The following SLC35F3 variants were observed in gnomAD, a reference collection of about 807,000 sequenced individuals.
SLC35F3 encodes the protein putative thiamine transporter SLC35F3.
In SLC35F3, 25 loss-of-function variants were observed where a neutral mutation model predicts 49.9. That is an observed-to-expected ratio of 0.50 (90% CI 0.37 to 0.70). The LOEUF is 0.70. SLC35F3 is among the 30% of genes least tolerant of loss of function. SLC35F3 has a pLI of 0.00. For missense variants in SLC35F3, 525 were observed against 639.8 expected, an observed-to-expected ratio of 0.82 and a Z score of 1.94; for synonymous variants, 275 against 265.4, an observed-to-expected ratio of 1.04 and a Z score of -0.35.
chr1:234,236,966 G>A (rs1325042673), intron 3 of SLC35F3, among the ~76,000 whole-genome samples: 1 of 75,242 alleles, frequency 1.3e-5, no homozygotes. Context: ...TATATATATG[G>A]AGGAAATGGG....
chr1:234,266,473 G>A (rs939500593), intron 3 of SLC35F3, among the ~76,000 whole-genome samples: 1 of 152,222 alleles, frequency 6.6e-6, no homozygotes, highest in Non-Finnish European at 1.5e-5. Flanking sequence ...TTCATTGTCA[G>A]TAGAAGGATA....
chr1:234,128,856 G>A (rs374702039), intron 2 of SLC35F3, among the ~76,000 whole-genome samples: 19 of 152,292 alleles, frequency 1.2e-4, no homozygotes, highest in Non-Finnish European at 2.1e-4. Flanking sequence ...CGGGGACACC[G>A]CAGTAGATTC....
chr1:234,163,807 A>C (rs1266598411), intron 2 of SLC35F3, among the ~76,000 whole-genome samples: 2 of 152,124 alleles, frequency 1.3e-5, no homozygotes, highest in Non-Finnish European at 2.9e-5. Context: ...ATTCTCTTCC[A>C]GATCTGCCAT....
At chr1:233,937,895 G>A (rs1415138217) in intron 2 of SLC35F3, among the ~76,000 whole-genome samples, 1 of 152,126 alleles carries the variant, frequency 6.6e-6, no homozygotes, top group Admixed American at 6.5e-5. Flanking sequence ...GGAGGATGAT[G>A]TTCAAATTTC....
intron 2 of SLC35F3, among the ~76,000 whole-genome samples, chr1:233,946,251 A>C (rs867704011): frequency 2.6e-5 from 4 of 152,228 alleles, no homozygotes; most frequent in African/African-American, 9.6e-5. Flanking sequence ...TGTAGCATCT[A>C]CTGAAGCAAA....
At chr1:233,998,204 G>A (rs985692049) in intron 2 of SLC35F3, among the ~76,000 whole-genome samples, 10 of 152,020 alleles carry the variant, frequency 6.6e-5, no homozygotes, top group African/African-American at 2.4e-4. Flanking sequence ...CATTTAAACT[G>A]CCCCTGTGGT....
intron 2 of SLC35F3, among the ~76,000 whole-genome samples, chr1:234,188,764 C>T (rs1666685523): frequency 6.6e-6 from 1 of 152,212 alleles, no homozygotes; most frequent in East Asian, 1.9e-4. Flanking sequence ...CAATAAACAA[C>T]AATAATATAA....
intron 2 of SLC35F3, among the ~76,000 whole-genome samples, chr1:234,036,599 C>A (rs1165143440): frequency 6.6e-6 from 1 of 152,168 alleles, no homozygotes; most frequent in African/African-American, 2.4e-5. Context: ...TGACATGTGT[C>A]CACTAGTCCA....
chr1:234,017,085 T>C (rs1442404109), intron 2 of SLC35F3, among the ~76,000 whole-genome samples: 6 of 152,226 alleles, frequency 3.9e-5, no homozygotes, highest in Non-Finnish European at 5.9e-5. Context: ...ATAAGAATTA[T>C]ACAAAATAAC....
At chr1:233,936,390 GTCTC>G (rs1662328136) in intron 2 of SLC35F3, among the ~76,000 whole-genome samples, 1 of 151,996 alleles carries the variant, frequency 6.6e-6, no homozygotes, top group African/African-American at 2.4e-5. Flanking sequence ...TCATAATATC[GTCTC>G]TCTGTTTCTT....
chr1:233,985,203 T>C (rs937872129), intron 2 of SLC35F3, among the ~76,000 whole-genome samples: 1 of 152,244 alleles, frequency 6.6e-6, no homozygotes, highest in Non-Finnish European at 1.5e-5. Context: ...CAGTGGCATA[T>C]GTCGTCATAT....
chr1:234,267,682 G>T (rs1415527209), intron 3 of SLC35F3, among the ~76,000 whole-genome samples: 1 of 151,012 alleles, frequency 6.6e-6, no homozygotes, highest in African/African-American at 2.4e-5. Flanking sequence ...GGGCGGAGAC[G>T]CTCCTCACTT....
At chr1:233,989,715 G>A (rs1663323359) in intron 2 of SLC35F3, among the ~76,000 whole-genome samples, 2 of 152,204 alleles carry the variant, frequency 1.3e-5, no homozygotes, top group South Asian at 2.1e-4. Flanking sequence ...AACAAATTTT[G>A]TAACCAGTTT....
chr1:234,198,992 A>G (rs1050249997), intron 2 of SLC35F3, among the ~76,000 whole-genome samples: 1 of 151,870 alleles, frequency 6.6e-6, no homozygotes, highest in African/African-American at 2.4e-5. Context: ...ACCAAGGCAG[A>G]AGGATACCTT....
rs191688323 is a variant in SLC35F3 at position 234,051,070 on chromosome 1, G to A, written c.283+145312G>A. ...GTAGTATAGTTTGAAGTCAGGTAGC[G>A]TGATGCCTCCAGGTTTGTTCTTTTG... On this transcript the variant is annotated intron_variant, in intron 2 of 7. Coordinates refer to ENST00000366618, the MANE Select transcript of SLC35F3 (RefSeq NM_173508.4). Among the ~76,000 whole-genome samples, 118 of 152,268 alleles carry A rather than the reference G, an allele frequency of 7.7e-4. 1 individual carries two copies. The highest frequency in any genetic ancestry group is 2.6e-3 in the African/African-American group (107 of 41,558).
intron 2 of SLC35F3, among the ~76,000 whole-genome samples, chr1:234,187,123 T>C (rs1666653902): frequency 6.6e-6 from 1 of 152,158 alleles, no homozygotes; most frequent in Non-Finnish European, 1.5e-5. Flanking sequence ...CTCTTGTCAA[T>C]GTTGATGCTT....
chr1:233,919,471 TC>T (rs1662025481), intron 2 of SLC35F3, among the ~76,000 whole-genome samples: 1 of 152,202 alleles, frequency 6.6e-6, no homozygotes, highest in Non-Finnish European at 1.5e-5. Context: ...ATCTGTTTTT[TC>T]AGAGATTTAG....
chr1:234,112,759 G>A (rs1209317150), intron 2 of SLC35F3, among the ~76,000 whole-genome samples: 3 of 37,276 alleles, frequency 8.0e-5, no homozygotes, highest in Non-Finnish European at 1.5e-4. Context: ...TGCATTTTTA[G>A]TAGAGACAGG....
chr1:233,995,868 T>A (rs573091333), intron 2 of SLC35F3, among the ~76,000 whole-genome samples: 1 of 152,184 alleles, frequency 6.6e-6, no homozygotes, highest in Non-Finnish European at 1.5e-5. Context: ...TGCAGCCTCT[T>A]GGTTAACCCC....
Sources: allele counts gnomAD v4.1 joint callset (sites outside exome capture counted in the v4.1 genomes callset), GRCh38; gene constraint gnomAD v4.1.1; transcripts MANE v1.5; gene names NCBI Gene and HGNC (gene_info 2026-07-23, HGNC 2026-07-21).